The following SLC24A2 variants were observed in gnomAD, a reference collection of about 807,000 sequenced individuals.
The protein encoded by SLC24A2 is sodium/potassium/calcium exchanger 2.
SLC24A2 carries 36 observed loss-of-function variants against 62.0 expected under a neutral mutation model. That is an observed-to-expected ratio of 0.58 (90% CI 0.44 to 0.77). The LOEUF is 0.77. Ranked by LOEUF, SLC24A2 falls within the 30% of genes least tolerant of loss-of-function variation. The pLI is 0.00. For missense variants in SLC24A2, 846 were observed against 817.9 expected, an observed-to-expected ratio of 1.03 and a Z score of -0.42; for synonymous variants, 358 against 294.0, an observed-to-expected ratio of 1.22 and a Z score of -2.23.
chr9:19,945,250 C>G, the SLC24A2 span, among the ~76,000 whole-genome samples: 1 of 151,968 alleles, frequency 6.6e-6, no homozygotes, highest in Non-Finnish European at 1.5e-5. Flanking sequence ...CCAGGCTCTT[C>G]TAGCACAAAA....
Position 19,786,501 on chromosome 9 carries a change from T to C in SLC24A2, c.366A>G (p.Lys122=). 6.2e-7 allele frequency: 1 copy of C among 1,614,192 alleles called. No homozygotes were observed. The highest frequency in any genetic ancestry group is 8.5e-7 in the Non-Finnish European group (1 of 1,180,028). Residue 122 remains lysine (K), a synonymous_variant, in exon 2 of 11, where the codon AAA becomes AAG. Coordinates refer to ENST00000341998, the MANE Select transcript of SLC24A2 (RefSeq NM_020344.4). This position sits in a 1 kb window ranked among gnomAD's most constrained non-coding sequence, Gnocchi z 5.0. ...STDHAQGDYP[K]DIFSLEERRK... ...TTCTCTCCTCAAGGGAAAAGATGTC[T>C]TTCGGGTAGTCTCCTTGGGCGTGAT...
chr9:19,608,764 T>C (rs1837060014), intron 4 of SLC24A2, among the ~76,000 whole-genome samples: 1 of 150,914 alleles, frequency 6.6e-6, no homozygotes, highest in South Asian at 2.1e-4. Context: ...CTGAAATCTC[T>C]CTCTCTCTCT....
At chr9:19,641,027 G>A (rs1182732828) in intron 2 of SLC24A2, among the ~76,000 whole-genome samples, 1 of 152,212 alleles carries the variant, frequency 6.6e-6, no homozygotes, top group Non-Finnish European at 1.5e-5. Flanking sequence ...AGTTTGGCGG[G>A]AGATCTAAAG....
the SLC24A2 span, among the ~76,000 whole-genome samples, chr9:20,190,651 G>A: frequency 6.6e-6 from 1 of 152,030 alleles, no homozygotes; most frequent in Non-Finnish European, 1.5e-5. Context: ...GATAAATCAA[G>A]AATTTGAACC....
chr9:19,925,001 A>C, the SLC24A2 span, among the ~76,000 whole-genome samples: 1 of 152,230 alleles, frequency 6.6e-6, no homozygotes, highest in Non-Finnish European at 1.5e-5. Context: ...TTGGCCCCAG[A>C]GCAGTCAATG....
At chr9:19,909,350 G>C in the SLC24A2 span, among the ~76,000 whole-genome samples, 1 of 151,838 alleles carries the variant, frequency 6.6e-6, no homozygotes, top group Non-Finnish European at 1.5e-5. Flanking sequence ...GGGGAGGGCG[G>C]AGGGATAGCA....
the SLC24A2 span, among the ~76,000 whole-genome samples, chr9:20,272,100 C>T: frequency 3.9e-5 from 6 of 152,162 alleles, no homozygotes; most frequent in Non-Finnish European, 8.8e-5. Context: ...AATTGTCCTG[C>T]CTGAAATGCC....
chr9:20,160,501 A>C, the SLC24A2 span, among the ~76,000 whole-genome samples: 3 of 151,450 alleles, frequency 2.0e-5, no homozygotes, highest in Non-Finnish European at 3.0e-5. Context: ...TCTCAAGTAC[A>C]TATGCGGCAT....
the SLC24A2 span, among the ~76,000 whole-genome samples, chr9:20,227,542 A>G: frequency 6.6e-6 from 1 of 151,900 alleles, no homozygotes; most frequent in Admixed American, 6.6e-5. Flanking sequence ...TTCTAAAAAA[A>G]AAAAAAAAAA....
At chr9:19,692,812 T>G (rs1820080753) in intron 2 of SLC24A2, among the ~76,000 whole-genome samples, 1 of 152,154 alleles carries the variant, frequency 6.6e-6, no homozygotes, top group Non-Finnish European at 1.5e-5. Context: ...ACATAGGAAG[T>G]GCTCGATAAA....
the SLC24A2 span, among the ~76,000 whole-genome samples, chr9:19,821,036 G>T: frequency 6.6e-6 from 1 of 151,988 alleles, no homozygotes; most frequent in East Asian, 1.9e-4. Flanking sequence ...GCTTTGGCTT[G>T]CTTTTGAAAT....
chr9:20,296,978 A>G, the SLC24A2 span, among the ~76,000 whole-genome samples: 1 of 152,190 alleles, frequency 6.6e-6, no homozygotes, highest in African/African-American at 2.4e-5. Context: ...TCCCCCTTTT[A>G]AAATGTAAAT....
chr9:20,044,811 T>C, the SLC24A2 span, among the ~76,000 whole-genome samples: 1 of 152,166 alleles, frequency 6.6e-6, no homozygotes, highest in Non-Finnish European at 1.5e-5. Context: ...ACTAAGTCAT[T>C]AAGCTTCCAT....
the SLC24A2 span, among the ~76,000 whole-genome samples, chr9:20,272,111 A>G: frequency 6.6e-6 from 1 of 152,234 alleles, no homozygotes; most frequent in African/African-American, 2.4e-5. Flanking sequence ...CTGAAATGCC[A>G]ATTATACACC....
the SLC24A2 span, among the ~76,000 whole-genome samples, chr9:20,092,906 G>A: frequency 6.6e-6 from 1 of 152,130 alleles, no homozygotes; most frequent in East Asian, 1.9e-4. Flanking sequence ...GCCAGGGACT[G>A]GGTGGTAAGG....
the SLC24A2 span, among the ~76,000 whole-genome samples, chr9:20,067,778 A>G: frequency 3.9e-5 from 6 of 152,040 alleles, no homozygotes; most frequent in African/African-American, 1.2e-4. Flanking sequence ...TCTTTATCCA[A>G]TCCACCACTG....
At chr9:20,012,675 G>C in the SLC24A2 span, among the ~76,000 whole-genome samples, 1 of 151,990 alleles carries the variant, frequency 6.6e-6, no homozygotes, top group Non-Finnish European at 1.5e-5. Flanking sequence ...AACAAATTCA[G>C]TAAACAAATT....
At chr9:20,152,794 C>A in the SLC24A2 span, among the ~76,000 whole-genome samples, 1 of 151,816 alleles carries the variant, frequency 6.6e-6, no homozygotes, top group Admixed American at 6.6e-5. Context: ...AATGTTCACT[C>A]CTTTTGAAAG....
At chr9:20,067,786 C>T in the SLC24A2 span, among the ~76,000 whole-genome samples, 4 of 152,136 alleles carry the variant, frequency 2.6e-5, no homozygotes, top group African/African-American at 9.7e-5. Context: ...CAATCCACCA[C>T]TGATGGGCAC....
Sources: gnomAD v4.1 joint callset for allele counts (sites outside exome capture counted in the v4.1 genomes callset) on GRCh38, gnomAD v4.1.1 for gene constraint, Gnocchi (gnomAD v3.1) non-coding constraint, MANE v1.5 for transcripts, NCBI Gene and HGNC (gene_info 2026-07-23, HGNC 2026-07-21) for gene names.